KIAA1958: variants seen among roughly 807,000 people sequenced by gnomAD.
The protein encoded by KIAA1958 is KIAA1958.
KIAA1958 carries 14 observed loss-of-function variants against 47.2 expected under a neutral mutation model. The ratio of observed to expected loss-of-function variants is 0.30; its 90% CI spans 0.20 to 0.46. The LOEUF (loss-of-function observed/expected upper bound fraction) is 0.46, where lower values mean the gene tolerates loss of function less well. KIAA1958 is among the 20% of genes least tolerant of loss of function. The pLI is 1.00. For missense variants in KIAA1958, 803 were observed against 909.2 expected (o/e 0.88, Z 1.50); for synonymous variants, 354 against 353.3 (o/e 1.00, Z -0.02).
intron 1 of KIAA1958, among the ~76,000 whole-genome samples, chr9:112,513,480 C>CGGTGGCTTAGGGAGCCCGTCCGGCCAG (rs1554720343): frequency 3.4e-5 from 2 of 58,016 alleles, no homozygotes; most frequent in Middle Eastern, 5.6e-3. Flanking sequence ...GGGCTGGGGT[C>CGGTGGCTTAGGGAGCCCGTCCGGCCAG]GGTGGCCGCG....
Position 112,569,378 on chromosome 9 carries a change from A to AT in KIAA1958, c.-24-4674dup, listed in dbSNP as rs796938141. Among the ~76,000 whole-genome samples, 387 of 152,324 alleles carry AT rather than the reference A, an allele frequency of 2.5e-3. 7 individuals are homozygous for AT. The highest frequency in any genetic ancestry group is 8.8e-3 in the African/African-American group (366 of 41,572). ...TTCTTATCCTATTGTGCACATAATT[A>AT]TTTTTGAACTAGTCAGTACATTGCT... is the stretch of plus-strand genomic sequence containing the variant. On this transcript the variant is annotated intron_variant, in intron 1 of 3. Coordinates refer to ENST00000337530, the MANE Select transcript of KIAA1958 (RefSeq NM_133465.4).
Position 112,515,315 on chromosome 9 carries a change from C to T in KIAA1958, c.-25+28197C>T, listed in dbSNP as rs1457160271. ...GCCCCGTCCGGGAGGTGAGGGGCGC[C>T]TCTGCCCGGCCGCCCCTACTGGGAA... On this transcript the variant is annotated intron_variant, in intron 1 of 3. Transcript: ENST00000337530. Among the ~76,000 whole-genome samples, 16 of 140,298 alleles carry T rather than the reference C, an allele frequency of 1.1e-4. No individual in the cohort carries two copies. The South Asian group carries it at 3.6e-3, about 31-fold the overall frequency. 92.0% of individuals were successfully genotyped at this position (140,298 alleles called of 152,430 possible). A position where few individuals can be genotyped will look rare whatever the true frequency, so the allele number is the denominator to read the frequency against.
chr9:112,503,558 A>G (rs570693317), intron 1 of KIAA1958, among the ~76,000 whole-genome samples: 82 of 151,040 alleles, frequency 5.4e-4, no homozygotes, highest in African/African-American at 1.9e-3. Context: ...CTGAGGCTGC[A>G]ATGAGCTGTG....
Position 112,575,188 on chromosome 9 carries a change from A to C in KIAA1958, c.1108A>C (p.Ser370Arg). ...TAACACAGAGCCAGAAGTGAGCTCC[A>C]GTCAGCAGCAGCCCCCAGTCGCTCC... ...SVNTEPEVSS[S>R]QQQPPVAPAI... Residue 370 changes from serine (S) to arginine (R), a missense_variant, in exon 2 of 4, where the codon AGT becomes CGT. Physicochemically the swap from Ser to Arg is moderately radical, Grantham distance 110. Transcript: ENST00000337530. 6.3e-7 allele frequency: 1 copy of C among 1,588,736 alleles called. No individual in the cohort carries two copies. Among genetic ancestry groups the C allele is most frequent in the Non-Finnish European group, 8.5e-7 (1 of 1,174,640 alleles).
chr9:112,509,504 T>C (rs895760907), intron 1 of KIAA1958, among the ~76,000 whole-genome samples: 1 of 152,116 alleles, frequency 6.6e-6, no homozygotes, highest in Admixed American at 6.5e-5. Flanking sequence ...GGTGTCCAAA[T>C]GAGGAAACAC....
In KIAA1958 at chr9:112,557,409, G is replaced by T. The variant is rs1422145228; in HGVS notation, c.-24-16648G>T. ...AGATGCCTGGCCCTGGCACACATCT[G>T]TCCAGCCCCTAAGCAGTGTATTTGT... On this transcript the variant is annotated intron_variant, in intron 1 of 3. Coordinates refer to ENST00000337530, the MANE Select transcript of KIAA1958 (RefSeq NM_133465.4). Among the ~76,000 whole-genome samples, 6 of 152,296 alleles carry T rather than the reference G, an allele frequency of 3.9e-5. No individual in the cohort carries two copies. The East Asian group carries it at 9.6e-4, about 24-fold the overall frequency.
chr9:112,544,992 C>T (rs1835003817), intron 1 of KIAA1958, among the ~76,000 whole-genome samples: 1 of 151,912 alleles, frequency 6.6e-6, no homozygotes, highest in Non-Finnish European at 1.5e-5. Context: ...CTGAGTGCCC[C>T]AGCGATCAAA....
At chr9:112,561,333 C>T (rs960767682) in intron 1 of KIAA1958, among the ~76,000 whole-genome samples, 7 of 151,950 alleles carry the variant, frequency 4.6e-5, no homozygotes, top group African/African-American at 7.2e-5. Flanking sequence ...GGATTACAGG[C>T]GTGAGCCACC....
intron 2 of KIAA1958, among the ~76,000 whole-genome samples, chr9:112,586,502 T>G (rs887684495): frequency 6.6e-6 from 1 of 152,204 alleles, no homozygotes; most frequent in African/African-American, 2.4e-5. Flanking sequence ...CAATAGCTTT[T>G]TAAAATGCTT....
chr9:112,617,259 A>G (rs1836421935), intron 2 of KIAA1958, among the ~76,000 whole-genome samples: 3 of 152,222 alleles, frequency 2.0e-5, no homozygotes, highest in African/African-American at 7.2e-5. Flanking sequence ...AAATATTTCC[A>G]TTCATCACTT....
intron 1 of KIAA1958, among the ~76,000 whole-genome samples, chr9:112,524,148 A>G (rs1303108547): frequency 4.6e-5 from 7 of 152,254 alleles, no homozygotes; most frequent in African/African-American, 1.7e-4. Context: ...GGATCAATAC[A>G]GTTCTGAAAG....
intron 2 of KIAA1958, among the ~76,000 whole-genome samples, chr9:112,575,776 C>T (rs1000912880): frequency 1.3e-5 from 2 of 152,124 alleles, no homozygotes; most frequent in African/African-American, 4.8e-5. Flanking sequence ...GGTATTTGAT[C>T]TTTTCTCTTA....
intron 2 of KIAA1958, among the ~76,000 whole-genome samples, chr9:112,603,099 A>C (rs932608983): frequency 9.2e-5 from 14 of 152,214 alleles, no homozygotes; most frequent in Admixed American, 8.5e-4. Context: ...AGAGATAGAC[A>C]CAAAACAAGT....
rs1391666912 is a variant in KIAA1958 at position 112,486,989 on chromosome 9, C to A, written c.-154C>A. Reference sequence around the variant, plus strand: ...CCCCGCTCCACTTACCTTTGGTGCCCGGCCCTCTGGCCGCTCTCCTCCCGC... The same window carrying A: ...CCCCGCTCCACTTACCTTTGGTGCCAGGCCCTCTGGCCGCTCTCCTCCCGC... On this transcript the variant is annotated 5_prime_UTR_variant, in exon 1 of 4. Transcript: ENST00000337530. 1 of 182,050 alleles carries A rather than the reference C, an allele frequency of 5.5e-6. No homozygotes were observed. Among genetic ancestry groups the A allele is most frequent in the East Asian group, 1.8e-4 (1 of 5,592 alleles). The allele number at this position is 182,050 out of a possible 1,614,324, so 11.3% of individuals were successfully genotyped here.
rs747183451 is a variant in KIAA1958, at chr9:112,659,323, G to C, written c.1405G>C (p.Asp469His). Residue 469 changes from aspartate (D) to histidine (H), a missense_variant, in exon 4 of 4, where the codon GAC becomes CAC. Asp to His is a moderately conservative substitution (Grantham distance 81). Coordinates refer to ENST00000337530, the MANE Select transcript of KIAA1958 (RefSeq NM_133465.4). ...CTTTTATGTCACCGTCAAGAAGAGC[G>C]ACGGCTCGGACTTCCTGGCCACCTC... Reference protein sequence around the residue: ...ENFYVTVKKSDGSDFLATSLH... With the variant: ...ENFYVTVKKSHGSDFLATSLH... The C allele has an allele frequency of 1.2e-6, 2 of 1,614,052 alleles. No individual in the cohort carries two copies. The highest frequency in any genetic ancestry group is 1.7e-6 in the Non-Finnish European group (2 of 1,180,026).
intron 2 of KIAA1958, among the ~76,000 whole-genome samples, chr9:112,636,832 A>T (rs112111701): frequency 9.9e-4 from 151 of 152,222 alleles, no homozygotes; most frequent in Admixed American, 3.3e-3. Context: ...GCCTGACAAC[A>T]TTTATCTTTT....
chr9:112,647,811 A>G (rs1047303774), intron 3 of KIAA1958, among the ~76,000 whole-genome samples: 2 of 152,198 alleles, frequency 1.3e-5, no homozygotes, highest in African/African-American at 4.8e-5. Flanking sequence ...CCTGGAGGCA[A>G]TTTCTGAACT....
chr9:112,627,483 G>T (rs1445621317), intron 2 of KIAA1958, among the ~76,000 whole-genome samples: 1 of 152,200 alleles, frequency 6.6e-6, no homozygotes, highest in Non-Finnish European at 1.5e-5. Flanking sequence ...GCTGGAGGTG[G>T]TGACTCACAC....
At position 112,531,273 on chromosome 9, in the gene KIAA1958, A is replaced by G. The variant is rs903753857; in HGVS notation, c.-24-42784A>G. On this transcript the variant is annotated intron_variant, in intron 1 of 3. Transcript: ENST00000337530. ...CGTGGTGGCGCATGCCTGTAATCCC[A>G]GCTACTCAGCAGGCTGAGGCAGGAG... 3.3e-5 allele frequency among the ~76,000 whole-genome samples: 5 copies of G among 152,290 alleles called. No individual in the cohort carries two copies. The East Asian group carries it at 9.7e-4, about 29-fold the overall frequency.
Sources: allele counts gnomAD v4.1 joint callset (sites outside exome capture counted in the v4.1 genomes callset), GRCh38; gene constraint gnomAD v4.1.1; transcripts MANE v1.5; gene names NCBI Gene and HGNC (gene_info 2026-07-23, HGNC 2026-07-21).